The following PPCDC variants were observed in gnomAD, a reference collection of about 807,000 sequenced individuals.
PPCDC encodes the protein phosphopantothenoylcysteine decarboxylase.
Under a neutral mutation model 20.7 loss-of-function variants are expected in PPCDC, and 20 were observed. The ratio of observed to expected loss-of-function variants is 0.97; its 90% confidence interval spans 0.68 to 1.41. The LOEUF (loss-of-function observed/expected upper bound fraction) is 1.41, where lower values mean the gene tolerates loss of function less well. Among genes scored for constraint, PPCDC ranks in the 40% most tolerant of loss-of-function variants. The pLI is 0.00. For missense variants in PPCDC, 246 were observed against 263.8 expected (o/e 0.93, Z 0.47); for synonymous variants, 88 against 100.3 (o/e 0.88, Z 0.73).
intron 3 of PPCDC, 109 bp downstream of exon 3, chr15:75,043,645 A>C: frequency 2.0e-6 from 2 of 1,003,876 alleles, no homozygotes; most frequent in Non-Finnish European, 3.0e-6. Flanking sequence ...GGCTGGGCTC[A>C]AGTCTGTGGT....
Position 75,039,434 on chromosome 15 carries a change from A to C in PPCDC, c.136-4007A>C, listed in dbSNP as rs141887220. On this transcript the variant is annotated intron_variant, in intron 2 of 5. Transcript: ENST00000342932. ...GACTCCTTTGACCTCTGTTGTGCTA[A>C]CTCTGCAAGGGTAGTATGTTTGGCT... is the stretch of plus-strand genomic sequence containing the variant. 1.1e-4 allele frequency among the ~76,000 whole-genome samples: 16 copies of C among 152,212 alleles called. No homozygotes were observed. The South Asian group carries it at 2.3e-3, about 22-fold the overall frequency.
chr15:75,043,391 GGTAACA>G, intron 2 of PPCDC, 44 bp from the exon 3 acceptor site: 1 of 1,514,224 alleles, frequency 6.6e-7, no homozygotes, highest in Non-Finnish European at 9.0e-7. Context: ...CTGTGGCTCT[GGTAACA>G]GTTTCTTCCT....
chr15:75,043,916 A>G (rs2141496724), intron 3 of PPCDC, among the ~76,000 whole-genome samples: 1 of 152,152 alleles, frequency 6.6e-6, no homozygotes, highest in Admixed American at 6.5e-5. Flanking sequence ...TCCCCTGCGG[A>G]TGGGTGGGCA....
chr15:75,028,081 G>A lies in PPCDC; in HGVS notation c.-72-166G>A, dbSNP rs990372878. On this transcript the variant is annotated intron_variant, in intron 1 of 5. Transcript: ENST00000342932. ...CATCATTCCCTTGTGACTGGCCCAT[G>A]TGTGGGGAAGGTGTCTCACTTTCTT... 23 of 533,480 alleles carry A rather than the reference G, an allele frequency of 4.3e-5. No homozygotes were observed. The African/African-American group carries it at 4.4e-4, about 10-fold the overall frequency. 33.0% of individuals were successfully genotyped at this position (533,480 alleles called of 1,614,324 possible).
chr15:75,038,775 G>T lies in PPCDC; in HGVS notation c.136-4666G>T, dbSNP rs574536622. On this transcript the variant is annotated intron_variant, in intron 2 of 5. Transcript: ENST00000342932. Reference sequence around the variant, plus strand: ...TTTTGTAATTTTCTCCTATTTTTCTGTTCTCTCTGGAACTCTTTAATCGTC... The same window carrying T: ...TTTTGTAATTTTCTCCTATTTTTCTTTTCTCTCTGGAACTCTTTAATCGTC... 1.1e-4 allele frequency among the ~76,000 whole-genome samples: 17 copies of T among 151,618 alleles called. No individual in the cohort carries two copies. In the East Asian group the frequency reaches 3.3e-3, roughly 29 times the overall value.
At chr15:75,043,316 TC>T (rs2066177143) in intron 2 of PPCDC, 124 bp from the exon 3 acceptor site, 2 of 725,096 alleles carry the variant, frequency 2.8e-6, no homozygotes, top group Non-Finnish European at 4.6e-6. Context: ...AGGAGGGAAG[TC>T]CTCTCTCAAG....
At position 75,029,788 on chromosome 15, in the gene PPCDC, C is replaced by T. The variant is rs554174046; in HGVS notation, c.135+1335C>T. Among the ~76,000 whole-genome samples, 6 of 152,250 alleles carry T rather than the reference C, an allele frequency of 3.9e-5. No individual in the cohort carries two copies. In the South Asian group the frequency reaches 1.2e-3, roughly 32 times the overall value. Reference sequence around the variant, plus strand: ...TGAGGGTGGGAGGCCTCTGCCACCACCCCCTGGGGAGGGAGGGAGCCATGC... The same window carrying T: ...TGAGGGTGGGAGGCCTCTGCCACCATCCCCTGGGGAGGGAGGGAGCCATGC... On this transcript the variant is annotated intron_variant, in intron 2 of 5. Transcript: ENST00000342932.
Position 75,043,516 on chromosome 15 carries a change from A to C in PPCDC, c.211A>C (p.Ser71Arg), listed in dbSNP as rs941173588. 4 of 1,610,838 alleles carry C rather than the reference A, an allele frequency of 2.5e-6. No individual in the cohort carries two copies. The highest frequency in any genetic ancestry group is 2.5e-6 in the Non-Finnish European group (3 of 1,178,424). ...CCAGGACATTCCTGTCACCCTCTACAGCGACGCTGATGAATGGGAGGTCAG... is the reference window on the plus strand; with the variant it reads ...CCAGGACATTCCTGTCACCCTCTACCGCGACGCTGATGAATGGGAGGTCAG... ...SPQDIPVTLY[S>R]DADEWEIWKS... Residue 71 changes from serine to arginine, a missense_variant, in exon 3 of 6, where the codon AGC (serine) becomes CGC (arginine). Coordinates refer to ENST00000342932, the MANE Select transcript of PPCDC (RefSeq NM_021823.5).
intron 3 of PPCDC, 126 bp from the exon 4 acceptor site, chr15:75,044,260 G>C (rs2066195205): frequency 7.3e-7 from 1 of 1,362,016 alleles, no homozygotes; most frequent in Non-Finnish European, 1.0e-6. Flanking sequence ...CTGCAGGAGG[G>C]AACGGAGGTT....
chr15:75,040,666 T>A (rs1000405087), intron 2 of PPCDC, among the ~76,000 whole-genome samples: 1 of 152,098 alleles, frequency 6.6e-6, no homozygotes, highest in Admixed American at 6.5e-5. Flanking sequence ...TTTTATTTTT[T>A]TATTTTTTTT....
At chr15:75,033,052 C>T (rs1346260043) in intron 2 of PPCDC, among the ~76,000 whole-genome samples, 4 of 152,162 alleles carry the variant, frequency 2.6e-5, no homozygotes, top group Admixed American at 2.0e-4. Flanking sequence ...ATCTGTCTGC[C>T]TCCACCTCCC....
chr15:75,030,890 G>A (rs2066012906), intron 2 of PPCDC, among the ~76,000 whole-genome samples: 1 of 152,116 alleles, frequency 6.6e-6, no homozygotes. Flanking sequence ...TAATGTCAAG[G>A]TAGCCAAATC....
intron 2 of PPCDC, among the ~76,000 whole-genome samples, chr15:75,034,460 A>G (rs1349619608): frequency 5.3e-5 from 8 of 152,168 alleles, no homozygotes; most frequent in Admixed American, 5.2e-4. Flanking sequence ...AGGCATCATC[A>G]TGAGCCATGG....
At chr15:75,025,451 G>C (rs1017739583) in intron 1 of PPCDC, among the ~76,000 whole-genome samples, 13 of 152,176 alleles carry the variant, frequency 8.5e-5, no homozygotes, top group African/African-American at 2.9e-4. Context: ...GGGACTGGCA[G>C]GTATCCCTGA....
intron 2 of PPCDC, among the ~76,000 whole-genome samples, chr15:75,033,830 G>A (rs867411516): frequency 6.6e-6 from 1 of 152,094 alleles, no homozygotes; most frequent in Non-Finnish European, 1.5e-5. Context: ...AGAGGGTCCC[G>A]CACCCCAGGG....
intron 4 of PPCDC, among the ~76,000 whole-genome samples, chr15:75,048,206 G>A (rs1229815981): frequency 6.6e-6 from 1 of 152,208 alleles, no homozygotes; most frequent in Non-Finnish European, 1.5e-5. Context: ...CTGGTCCTTT[G>A]CTTTCTGGTG....
chr15:75,037,292 C>T (rs1163736886), intron 2 of PPCDC, among the ~76,000 whole-genome samples: 1 of 152,098 alleles, frequency 6.6e-6, no homozygotes, highest in Non-Finnish European at 1.5e-5. Context: ...GGACATGTAA[C>T]CAGAGATGAA....
chr15:75,043,389 C>A, intron 2 of PPCDC, 52 bp from the exon 3 acceptor site: 1 of 1,508,822 alleles, frequency 6.6e-7, no homozygotes, highest in Non-Finnish European at 9.1e-7. Flanking sequence ...GCCTGTGGCT[C>A]TGGTAACAGT....
chr15:75,048,546 T>G lies in PPCDC; in HGVS notation c.361-7T>G. 1 of 1,613,012 alleles carries G rather than the reference T, an allele frequency of 6.2e-7. No individual in the cohort carries two copies. Among genetic ancestry groups the G allele is most frequent in the Non-Finnish European group, 8.5e-7 (1 of 1,179,362 alleles). On this transcript the variant is annotated splice_region_variant and splice_polypyrimidine_tract_variant and intron_variant, in intron 4 of 5. Transcript: ENST00000342932. ...CAAGACCCCCACTTCCCTGGCCTTC[T>G]TCACAGACCTGCGTCATGCGGGCCT...
Sources: gnomAD v4.1 joint callset for allele counts (sites outside exome capture counted in the v4.1 genomes callset) on GRCh38, gnomAD v4.1.1 for gene constraint, MANE v1.5 for transcripts, NCBI Gene and HGNC (gene_info 2026-07-23, HGNC 2026-07-21) for gene names.